GPC6: variants seen among roughly 807,000 people sequenced by gnomAD.
The protein encoded by GPC6 is glypican 6.
A neutral mutation model predicts 55.2 loss-of-function variants in GPC6; 14 were observed. The observed-to-expected ratio is 0.25, with a 90% CI of 0.17 to 0.40. The LOEUF (loss-of-function observed/expected upper bound fraction) is 0.40. Ranked by LOEUF, GPC6 falls within the 10% of genes least tolerant of loss-of-function variation. The probability of loss-of-function intolerance (pLI) is 1.00; values close to 1 mark genes in which losing one functional copy is unlikely to be tolerated. For missense variants in GPC6, 641 were observed against 708.5 expected, an observed-to-expected ratio of 0.90 and a Z score of 1.08; for synonymous variants, 278 against 259.6, an observed-to-expected ratio of 1.07 and a Z score of -0.68.
chr13:93,246,485 TA>T (rs1167189961), intron 1 of GPC6, among the ~76,000 whole-genome samples: 2 of 152,016 alleles, frequency 1.3e-5, no homozygotes, highest in African/African-American at 4.8e-5. Context: ...TGAAGTGTTC[TA>T]AAAAATAATA....
chr13:93,687,695 C>A (rs1028194729), intron 2 of GPC6, among the ~76,000 whole-genome samples: 10 of 152,016 alleles, frequency 6.6e-5, no homozygotes, highest in South Asian at 2.1e-4. Context: ...TAAGTGCTAA[C>A]ATATTAATGT....
At chr13:94,277,034 A>G (rs1892235021) in intron 4 of GPC6, among the ~76,000 whole-genome samples, 1 of 152,186 alleles carries the variant, frequency 6.6e-6, no homozygotes, top group African/African-American at 2.4e-5. Context: ...AAACGGTTGA[A>G]CTAATTTACC....
chr13:93,377,887 A>G (rs1874986591), intron 1 of GPC6, among the ~76,000 whole-genome samples: 1 of 152,190 alleles, frequency 6.6e-6, no homozygotes, highest in Non-Finnish European at 1.5e-5. Flanking sequence ...GGACATAAAG[A>G]GGTAGGGTTG....
intron 1 of GPC6, among the ~76,000 whole-genome samples, chr13:93,541,957 T>C (rs1354472707): frequency 1.3e-5 from 2 of 152,142 alleles, no homozygotes; most frequent in Non-Finnish European, 2.9e-5. Flanking sequence ...CGAAAATTTT[T>C]TCCCATCTTG....
chr13:94,232,228 T>C (rs931856898), intron 4 of GPC6, among the ~76,000 whole-genome samples: 1 of 152,226 alleles, frequency 6.6e-6, no homozygotes, highest in Non-Finnish European at 1.5e-5. Flanking sequence ...AGCTTAGTTC[T>C]CACTTTAAAT....
intron 4 of GPC6, among the ~76,000 whole-genome samples, chr13:94,205,002 C>T (rs1889860507): frequency 6.6e-6 from 1 of 152,126 alleles, no homozygotes; most frequent in South Asian, 2.1e-4. Context: ...AACCCTGGAT[C>T]AATCAAATAA....
chr13:94,021,576 A>G (rs1882696642), intron 3 of GPC6, among the ~76,000 whole-genome samples: 1 of 151,314 alleles, frequency 6.6e-6, no homozygotes, highest in African/African-American at 2.4e-5. Context: ...TTTATTAAGG[A>G]TTCTTTTTGT....
chr13:93,742,536 G>T (rs1345162031), intron 2 of GPC6, among the ~76,000 whole-genome samples: 1 of 152,160 alleles, frequency 6.6e-6, no homozygotes, highest in Non-Finnish European at 1.5e-5. Flanking sequence ...ATAAATGTGG[G>T]CCAGATGACA....
intron 1 of GPC6, among the ~76,000 whole-genome samples, chr13:93,486,834 A>G (rs373490287): frequency 1.4e-4 from 21 of 152,068 alleles, no homozygotes; most frequent in African/African-American, 4.8e-4. Flanking sequence ...AATCCCAGCT[A>G]TTTGGGAGCC....
At chr13:94,232,005 A>G (rs1278272783) in intron 4 of GPC6, among the ~76,000 whole-genome samples, 1 of 152,236 alleles carries the variant, frequency 6.6e-6, no homozygotes, top group Non-Finnish European at 1.5e-5. Context: ...AGAGCCGACC[A>G]TGTTGAGAGA....
At position 93,559,979 on chromosome 13, in the gene GPC6, C is replaced by G. The variant is rs114206887; in HGVS notation, c.319+14558C>G. On this transcript the variant is annotated intron_variant, in intron 2 of 8. Coordinates refer to ENST00000377047, the MANE Select transcript of GPC6 (RefSeq NM_005708.5). ...TAGAATAAACATCATCTGGGCATCA[C>G]CTGCACACCTAAATGGATTTATTGC... Among the ~76,000 whole-genome samples the G allele has an allele frequency of 9.1e-3, 1,379 of 152,256 alleles. 29 individuals carry two copies. Among genetic ancestry groups the G allele is most frequent in the African/African-American group, 0.031 (1,295 of 41,562 alleles).
At chr13:93,754,510 A>G (rs1053976729) in intron 2 of GPC6, among the ~76,000 whole-genome samples, 7 of 152,150 alleles carry the variant, frequency 4.6e-5, no homozygotes, top group African/African-American at 1.4e-4. Flanking sequence ...AAAATGACAC[A>G]TATGGCTGAG....
chr13:94,244,300 A>G (rs1891137000), intron 4 of GPC6, among the ~76,000 whole-genome samples: 1 of 152,170 alleles, frequency 6.6e-6, no homozygotes, highest in African/African-American at 2.4e-5. Flanking sequence ...TTTGATAAGA[A>G]GTGGCTTTAG....
At chr13:93,639,045 G>A in intron 2 of GPC6, among the ~76,000 whole-genome samples, 1 of 152,004 alleles carries the variant, frequency 6.6e-6, no homozygotes, top group East Asian at 1.9e-4. Context: ...AAAATCTGCT[G>A]TTATGGTACT....
At chr13:94,263,499 C>G (rs1243515242) in intron 4 of GPC6, among the ~76,000 whole-genome samples, 1 of 152,170 alleles carries the variant, frequency 6.6e-6, no homozygotes, top group African/African-American at 2.4e-5. Flanking sequence ...TGCTTTCGAT[C>G]AATTTTTCTC....
chr13:93,944,522 C>T (rs1277525523), intron 3 of GPC6, among the ~76,000 whole-genome samples: 2 of 152,058 alleles, frequency 1.3e-5, no homozygotes, highest in African/African-American at 4.8e-5. Context: ...TCTATCACCT[C>T]GATAATTTGA....
At chr13:93,795,766 C>A (rs1886178283) in intron 2 of GPC6, among the ~76,000 whole-genome samples, 1 of 152,168 alleles carries the variant, frequency 6.6e-6, no homozygotes, top group Admixed American at 6.5e-5. Context: ...AGGCTCTTCA[C>A]TGCTAATGGC....
At chr13:94,271,111 C>T (rs538800200) in intron 4 of GPC6, among the ~76,000 whole-genome samples, 75 of 150,754 alleles carry the variant, frequency 5.0e-4, no homozygotes, top group Admixed American at 9.3e-4. Flanking sequence ...CTGCCTCAGC[C>T]TCCCGAGTAG....
In GPC6 at chr13:93,648,504, A is replaced by G. The variant is rs376667954; in HGVS notation, c.319+103083A>G. Among the ~76,000 whole-genome samples, 6 of 152,296 alleles carry G rather than the reference A, an allele frequency of 3.9e-5. No individual in the cohort carries two copies. In the South Asian group the frequency reaches 1.2e-3, roughly 32 times the overall value. ...TCATATTTGGCCTTACTTATCTAACATCTTATTATCTTTATCCTTGAGCCA... is the reference window on the plus strand; with the variant it reads ...TCATATTTGGCCTTACTTATCTAACGTCTTATTATCTTTATCCTTGAGCCA... On this transcript the variant is annotated intron_variant, in intron 2 of 8. Transcript: ENST00000377047.
Sources: gnomAD v4.1 joint callset for allele counts (sites outside exome capture counted in the v4.1 genomes callset) on GRCh38, gnomAD v4.1.1 for gene constraint, MANE v1.5 for transcripts, NCBI Gene and HGNC (gene_info 2026-07-23, HGNC 2026-07-21) for gene names.